Variants in CATSPERB observed in about 807,000 individuals in gnomAD.
CATSPERB encodes catsper channel auxiliary subunit beta.
Under a neutral mutation model 128.3 loss-of-function variants are expected in CATSPERB, and 93 were observed. The ratio of observed to expected loss-of-function variants is 0.72; its 90% CI spans 0.61 to 0.86. The LOEUF (loss-of-function observed/expected upper bound fraction) is 0.86, where lower values mean the gene tolerates loss of function less well. Ranked by LOEUF, CATSPERB falls within the 40% of genes least tolerant of loss-of-function variation. The pLI is 0.00. For missense variants in CATSPERB, 1,153 were observed against 1,329.5 expected, an observed-to-expected ratio of 0.87 and a Z score of 2.06; for synonymous variants, 381 against 448.8, an observed-to-expected ratio of 0.85 and a Z score of 1.91.
intron 6 of CATSPERB, among the ~76,000 whole-genome samples, chr14:91,705,020 T>C (rs150807888): frequency 4.1e-4 from 62 of 152,350 alleles, no homozygotes; most frequent in African/African-American, 1.5e-3. Context: ...AATTGCTGGA[T>C]CACAGAATAC....
At chr14:91,664,424 C>G (rs530373997) in intron 14 of CATSPERB, among the ~76,000 whole-genome samples, 1 of 152,056 alleles carries the variant, frequency 6.6e-6, no homozygotes, top group African/African-American at 2.4e-5. Context: ...TGCCACCACA[C>G]CCAGCTAATT....
chr14:91,623,382 T>A (rs1447032969), intron 18 of CATSPERB, among the ~76,000 whole-genome samples: 1 of 152,138 alleles, frequency 6.6e-6, no homozygotes, highest in Non-Finnish European at 1.5e-5. Context: ...TTCTCCTCCA[T>A]CTCCCTGAAC....
In CATSPERB at chr14:91,728,791, A is replaced by G. The variant is rs142539442; in HGVS notation, c.79+610T>C. 9.3e-3 allele frequency among the ~76,000 whole-genome samples: 1,420 copies of G among 152,322 alleles called. 13 individuals are homozygous for G. Among genetic ancestry groups the G allele is most frequent in the South Asian group, 0.025 (121 of 4,830 alleles). On this transcript the variant is annotated intron_variant, in intron 2 of 26. Transcript: ENST00000256343. ...GGAAACCACACAAGTGTAACCACCA[A>G]TGGAATGCCTGCTCTGACTACCATA...
At chr14:91,721,446 G>C (rs140339233) in intron 4 of CATSPERB, among the ~76,000 whole-genome samples, 1,771 of 151,998 alleles carry the variant, frequency 0.012, 23 homozygotes, top group Non-Finnish European at 0.017. Flanking sequence ...TGTATTCAAG[G>C]GACTAATAAG....
At chr14:91,721,795 A>G (rs1479724395) in intron 4 of CATSPERB, among the ~76,000 whole-genome samples, 1 of 151,054 alleles carries the variant, frequency 6.6e-6, no homozygotes, top group Non-Finnish European at 1.5e-5. Context: ...GCTTGCAGTG[A>G]GCCGAGATCG....
At position 91,723,422 on chromosome 14, in the gene CATSPERB, C is replaced by G. The variant is rs117058684; in HGVS notation, c.169-233G>C. Among the ~76,000 whole-genome samples, 117 of 152,126 alleles carry G rather than the reference C, an allele frequency of 7.7e-4. 2 individuals are homozygous for G. The East Asian group carries it at 0.02, about 26-fold the overall frequency. On this transcript the variant is annotated intron_variant, in intron 3 of 26. Coordinates refer to ENST00000256343, the MANE Select transcript of CATSPERB (RefSeq NM_024764.4). Reference sequence around the variant, plus strand: ...GGTCATTATTATTACATGTAGTAAACATAGACTCAAAGCAATATGTTATCA... The same window carrying G: ...GGTCATTATTATTACATGTAGTAAAGATAGACTCAAAGCAATATGTTATCA...
Position 91,725,013 on chromosome 14 carries a change from A to G in CATSPERB, c.168+67T>C, listed in dbSNP as rs1026341159. The stretch of plus-strand genomic sequence containing the variant: ...GGGTATTTGGAAAGAATACAATGCT[A>G]TTGGTTTTACACATGGATTTTAAAG... On this transcript the variant is annotated intron_variant, in intron 3 of 26. Coordinates refer to ENST00000256343, the MANE Select transcript of CATSPERB (RefSeq NM_024764.4). 1.9e-5 allele frequency: 13 copies of G among 687,850 alleles called. 1 individual carries two copies. Among genetic ancestry groups the G allele is most frequent in the Non-Finnish European group, 3.0e-5 (13 of 429,846 alleles). The allele number at this position is 687,850 out of a possible 1,614,324, so 42.6% of individuals were successfully genotyped here. A position where few individuals can be genotyped will look rare whatever the true frequency, so the allele number is the denominator to read the frequency against.
intron 26 of CATSPERB, among the ~76,000 whole-genome samples, chr14:91,586,546 GGA>G (rs759345481): frequency 2.9e-4 from 34 of 117,886 alleles, no homozygotes; most frequent in Non-Finnish European, 3.6e-4. Context: ...GGCCGGAACA[GGA>G]GAGAGAGAGA....
chr14:91,594,724 T>C (rs1327489742), intron 22 of CATSPERB, among the ~76,000 whole-genome samples: 1 of 150,820 alleles, frequency 6.6e-6, no homozygotes. Flanking sequence ...GAAGAGAAAA[T>C]AGAGGGGAGG....
In CATSPERB at chr14:91,604,725, G is replaced by C. The variant is rs1267833719; in HGVS notation, c.2709+3569C>G. ...CTCCAGGTTGAATTGTTCCAGGTCT[G>C]GTTGCTCCACATTGGAAAGTTCCCA... On this transcript the variant is annotated intron_variant, in intron 22 of 26. Coordinates refer to ENST00000256343, the MANE Select transcript of CATSPERB (RefSeq NM_024764.4). The C allele has an allele frequency of 3.7e-6, 6 of 1,613,690 alleles. No individual in the cohort carries two copies. In the African/African-American group the frequency reaches 8.0e-5, roughly 22 times the overall value.
rs112688390 is a variant in CATSPERB, at chr14:91,705,558, G to A, written c.467-857C>T. ...CAAACCAGGCCTTCCAGAATCTGAC[G>A]TCCTCTTGGTTCCTCAGCTTTACTT... is the stretch of plus-strand genomic sequence containing the variant. On this transcript the variant is annotated intron_variant, in intron 6 of 26. Coordinates refer to ENST00000256343, the MANE Select transcript of CATSPERB (RefSeq NM_024764.4). Among the ~76,000 whole-genome samples the A allele has an allele frequency of 5.1e-3, 776 of 152,338 alleles. 11 individuals are homozygous for A. The highest frequency in any genetic ancestry group is 0.017 in the African/African-American group (720 of 41,580).
intron 2 of CATSPERB, among the ~76,000 whole-genome samples, chr14:91,725,474 A>T (rs554658651): frequency 1.3e-5 from 2 of 152,338 alleles, no homozygotes; most frequent in East Asian, 1.9e-4. Context: ...CCTTGAGGGT[A>T]TAAAAGGATC....
chr14:91,726,181 C>G (rs1896116876), intron 2 of CATSPERB, among the ~76,000 whole-genome samples: 2 of 152,180 alleles, frequency 1.3e-5, no homozygotes, highest in African/African-American at 4.8e-5. Flanking sequence ...TGGACAAGGA[C>G]CTGGGTACCA....
chr14:91,597,817 C>A (rs2139765510), intron 22 of CATSPERB, among the ~76,000 whole-genome samples: 1 of 152,158 alleles, frequency 6.6e-6, no homozygotes, highest in African/African-American at 2.4e-5. Flanking sequence ...ACTTGGTGTC[C>A]TTTTTAGACC....
At chr14:91,636,621 A>T (rs1894381115) in intron 16 of CATSPERB, 42 bp from the exon 17 acceptor site, 2 of 1,506,710 alleles carry the variant, frequency 1.3e-6, no homozygotes, top group Non-Finnish European at 1.8e-6. Context: ...AAACTACTTT[A>T]TACTTCAATT....
At chr14:91,598,868 A>AAC (rs1193630730) in intron 22 of CATSPERB, among the ~76,000 whole-genome samples, 1 of 151,566 alleles carries the variant, frequency 6.6e-6, no homozygotes. Context: ...AAAAAAAAAA[A>AAC]AAAAAAAAGG....
At chr14:91,608,020 C>T (rs933170820) in intron 22 of CATSPERB, among the ~76,000 whole-genome samples, 1 of 152,098 alleles carries the variant, frequency 6.6e-6, no homozygotes, top group Non-Finnish European at 1.5e-5. Flanking sequence ...TCCTTTCATT[C>T]GAGAAAAGAT....
chr14:91,582,531 T>A (rs1403656315), intron 26 of CATSPERB, among the ~76,000 whole-genome samples: 1 of 152,202 alleles, frequency 6.6e-6, no homozygotes, highest in Non-Finnish European at 1.5e-5. Context: ...TCAGAACCTG[T>A]CTTCCTGTTT....
intron 24 of CATSPERB, among the ~76,000 whole-genome samples, chr14:91,588,323 A>G (rs1235156886): frequency 6.6e-6 from 1 of 152,054 alleles, no homozygotes; most frequent in Non-Finnish European, 1.5e-5. Flanking sequence ...TAGGGGAGTT[A>G]GGCCCAATAT....
Sources: allele counts gnomAD v4.1 joint callset (sites outside exome capture counted in the v4.1 genomes callset), GRCh38; gene constraint gnomAD v4.1.1; transcripts MANE v1.5; gene names NCBI Gene and HGNC (gene_info 2026-07-23, HGNC 2026-07-21).